The following LRRC4C variants were observed in gnomAD, a reference collection of about 807,000 sequenced individuals.
The protein encoded by LRRC4C is leucine rich repeat containing 4C.
A neutral mutation model predicts 33.6 loss-of-function variants in LRRC4C; 5 were observed. The observed-to-expected ratio is 0.15, with a 90% CI of 0.08 to 0.31. The LOEUF (loss-of-function observed/expected upper bound fraction) is 0.31. LRRC4C is among the 10% of genes least tolerant of loss of function. The pLI is 1.00. For synonymous variants in LRRC4C, 329 were observed against 302.0 expected (o/e 1.09, Z -0.93); for missense variants, 560 against 796.7 (o/e 0.70, Z 3.58).
chr11:41,013,491 C>T (rs1250348516), intron 1 of LRRC4C, among the ~76,000 whole-genome samples: 1 of 152,106 alleles, frequency 6.6e-6, no homozygotes, highest in Non-Finnish European at 1.5e-5. Flanking sequence ...CTAGCGCTGA[C>T]GTATGTTCCT....
chr11:40,224,598 G>A (rs961008672), intron 5 of LRRC4C, among the ~76,000 whole-genome samples: 1 of 152,130 alleles, frequency 6.6e-6, no homozygotes, highest in Non-Finnish European at 1.5e-5. Flanking sequence ...ATAGCCTACT[G>A]TTTCTTCAAG....
At chr11:40,283,347 A>G (rs189470481) in intron 4 of LRRC4C, among the ~76,000 whole-genome samples, 6 of 152,334 alleles carry the variant, frequency 3.9e-5, no homozygotes, top group African/African-American at 1.4e-4. Flanking sequence ...TTTATATAAA[A>G]TCATTTGATT....
intron 1 of LRRC4C, among the ~76,000 whole-genome samples, chr11:41,299,576 G>A (rs1166779359): frequency 6.6e-6 from 1 of 152,036 alleles, no homozygotes; most frequent in African/African-American, 2.4e-5. Flanking sequence ...GGGAAAATAG[G>A]ATCACTAAGT....
At chr11:41,380,828 GTCTC>G (rs753221187) in intron 1 of LRRC4C, among the ~76,000 whole-genome samples, 4 of 152,040 alleles carry the variant, frequency 2.6e-5, no homozygotes, top group Non-Finnish European at 5.9e-5. Context: ...CTGTCTGTCT[GTCTC>G]TCTCTCTTTC....
At chr11:40,953,391 C>A (rs1958805134) in intron 1 of LRRC4C, among the ~76,000 whole-genome samples, 1 of 151,758 alleles carries the variant, frequency 6.6e-6, no homozygotes, top group South Asian at 2.1e-4. Context: ...AAAGTGAAAC[C>A]TCATCTTGTC....
In LRRC4C at chr11:40,466,209, T is replaced by C. The variant is rs374058018; in HGVS notation, c.-269-146488A>G. ...TTCTCACTTATAAGCGGAAGCTAAA[T>C]AATGTGTACACATGGACAGAGAGAG... On this transcript the variant is annotated intron_variant, in intron 3 of 6. Transcript: ENST00000528697. Among the ~76,000 whole-genome samples the C allele has an allele frequency of 3.3e-5, 5 of 151,976 alleles. No individual in the cohort carries two copies. In the East Asian group the frequency reaches 9.7e-4, roughly 29 times the overall value.
intron 3 of LRRC4C, among the ~76,000 whole-genome samples, chr11:40,505,685 T>C (rs1206717307): frequency 6.6e-6 from 1 of 152,186 alleles, no homozygotes; most frequent in East Asian, 1.9e-4. Context: ...AAGAAAAACA[T>C]TGCAGTTTTG....
intron 1 of LRRC4C, among the ~76,000 whole-genome samples, chr11:41,093,581 C>T (rs1438701958): frequency 1.3e-5 from 2 of 152,028 alleles, no homozygotes; most frequent in Non-Finnish European, 2.9e-5. Flanking sequence ...CTCTTGAAAA[C>T]ACTGGGCCCT....
chr11:41,381,918 G>T (rs1351618337), intron 1 of LRRC4C, among the ~76,000 whole-genome samples: 1 of 97,372 alleles, frequency 1.0e-5, no homozygotes, highest in African/African-American at 3.5e-5. Context: ...AGATATATGT[G>T]TTTGTATATA....
intron 3 of LRRC4C, among the ~76,000 whole-genome samples, chr11:40,474,367 C>A (rs1394077512): frequency 6.6e-6 from 1 of 152,094 alleles, no homozygotes; most frequent in Non-Finnish European, 1.5e-5. Context: ...GCTGGGAAAA[C>A]TGGCTAGCCA....
rs771448510 is a variant in LRRC4C at position 41,320,043 on chromosome 11, TA to T, written c.-496+139387del. ...AGAGGGGGGCACAATGAGACAGATA[TA>T]AAAAAGTATAGAATTTTGACTATGG... On this transcript the variant is annotated intron_variant, in intron 1 of 6. Transcript: ENST00000528697. 2.0e-4 allele frequency among the ~76,000 whole-genome samples: 31 copies of T among 152,224 alleles called. No homozygotes were observed. The East Asian group carries it at 3.9e-3, about 19-fold the overall frequency.
intron 2 of LRRC4C, among the ~76,000 whole-genome samples, chr11:40,845,460 T>C (rs932060579): frequency 2.6e-5 from 4 of 152,218 alleles, no homozygotes; most frequent in Admixed American, 6.5e-5. Context: ...GTTAGTTTGC[T>C]GAGGACAATG....
intron 5 of LRRC4C, among the ~76,000 whole-genome samples, chr11:40,225,899 G>C (rs187011094): frequency 6.6e-6 from 1 of 152,158 alleles, no homozygotes; most frequent in African/African-American, 2.4e-5. Flanking sequence ...GATTACAGGC[G>C]TGAGCCACCA....
chr11:41,156,923 G>A lies in LRRC4C; in HGVS notation c.-495-223200C>T, dbSNP rs116815518. ...GTTGAGAGGTGGGGCTTAAATGGGA[G>A]GTGTTTAGGTGTTGAGGGCTCTACT... On this transcript the variant is annotated intron_variant, in intron 1 of 6. Coordinates refer to ENST00000528697, the MANE Select transcript of LRRC4C (RefSeq NM_001258419.2). Among the ~76,000 whole-genome samples the A allele has an allele frequency of 6.2e-3, 938 of 152,156 alleles. 15 individuals carry two copies. Among genetic ancestry groups the A allele is most frequent in the African/African-American group, 0.021 (890 of 41,526 alleles).
intron 1 of LRRC4C, among the ~76,000 whole-genome samples, chr11:41,201,886 T>C (rs1390826702): frequency 6.9e-6 from 1 of 144,982 alleles, no homozygotes; most frequent in Admixed American, 7.2e-5. Context: ...AGGATGCTTT[T>C]GGCTGCTCTA....
At chr11:40,237,705 C>T (rs958103380) in intron 5 of LRRC4C, among the ~76,000 whole-genome samples, 15 of 152,064 alleles carry the variant, frequency 9.9e-5, no homozygotes, top group African/African-American at 3.6e-4. Context: ...AAGATAAATG[C>T]TAGATAATCG....
rs559379471 is a variant in LRRC4C, at chr11:40,697,936, C to T, written c.-406-49658G>A. ...ACAAAAAATTAGCCAGGCATGGTGG[C>T]GGGCGCCTGTAGTCCCAGCTACAGG... On this transcript the variant is annotated intron_variant, in intron 2 of 6. Transcript: ENST00000528697. Among the ~76,000 whole-genome samples, 14 of 151,780 alleles carry T rather than the reference C, an allele frequency of 9.2e-5. No homozygotes were observed. In the East Asian group the frequency reaches 9.7e-4, roughly 11 times the overall value.
intron 3 of LRRC4C, among the ~76,000 whole-genome samples, chr11:40,345,785 T>C (rs1947099537): frequency 1.3e-5 from 2 of 152,058 alleles, no homozygotes; most frequent in Non-Finnish European, 2.9e-5. Context: ...GAAGGAAAAT[T>C]TTGCAAACTA....
intron 5 of LRRC4C, among the ~76,000 whole-genome samples, chr11:40,235,803 T>G (rs193033190): frequency 3.5e-4 from 54 of 152,294 alleles, no homozygotes; most frequent in African/African-American, 1.2e-3. Context: ...ATCTCTAGTG[T>G]GATACAATCT....
Sources: gnomAD v4.1 joint callset for allele counts (sites outside exome capture counted in the v4.1 genomes callset) on GRCh38, gnomAD v4.1.1 for gene constraint, MANE v1.5 for transcripts, NCBI Gene and HGNC (gene_info 2026-07-23, HGNC 2026-07-21) for gene names.